Variants in EXOC4 observed in about 807,000 individuals in gnomAD.
The protein encoded by EXOC4 is exocyst complex component 4, also known as SEC8-like 1.
Under a neutral mutation model 107.2 loss-of-function variants are expected in EXOC4, and 71 were observed. That is an observed-to-expected ratio of 0.66 (90% CI 0.55 to 0.81). The LOEUF (loss-of-function observed/expected upper bound fraction) is 0.81, where lower values mean the gene tolerates loss of function less well. Ranked by LOEUF, EXOC4 falls within the 30% of genes least tolerant of loss-of-function variation. EXOC4 has a pLI of 0.00. For synonymous variants in EXOC4, 456 were observed against 441.2 expected (o/e 1.03, Z -0.42); for missense variants, 1,108 against 1,189.6 (o/e 0.93, Z 1.01).
downstream of EXOC4, among the ~76,000 whole-genome samples, chr7:134,067,853 C>A (rs1796208311): frequency 6.6e-6 from 1 of 152,150 alleles, no homozygotes; most frequent in African/African-American, 2.4e-5. Context: ...AATACAGGTT[C>A]TTTCAGGGTC....
At chr7:133,927,604 A>T (rs1025604177) in intron 13 of EXOC4, among the ~76,000 whole-genome samples, 1 of 152,248 alleles carries the variant, frequency 6.6e-6, no homozygotes, top group African/African-American at 2.4e-5. Context: ...ATGTTCATAA[A>T]TTGGAGACAT....
Position 133,287,967 on chromosome 7 carries a change from T to C in EXOC4, c.277-955T>C, listed in dbSNP as rs142957465. Among the ~76,000 whole-genome samples the C allele has an allele frequency of 1.6e-3, 238 of 152,308 alleles. 1 individual carries two copies. Among genetic ancestry groups the C allele is most frequent in the African/African-American group, 5.4e-3 (223 of 41,568 alleles). On this transcript the variant is annotated intron_variant, in intron 2 of 17. Transcript: ENST00000253861. ...TTGATGAAGGTTTGGATTATACAGG[T>C]GGGCGCATTTGCCAAAACTTACCAC...
intron 9 of EXOC4, among the ~76,000 whole-genome samples, chr7:133,506,619 T>C (rs1351168981): frequency 6.6e-6 from 1 of 152,180 alleles, no homozygotes; most frequent in Non-Finnish European, 1.5e-5. Context: ...GATAGTCTTA[T>C]CTAAAATTTG....
At chr7:133,276,167 T>G (rs991263837) in intron 2 of EXOC4, among the ~76,000 whole-genome samples, 1 of 152,132 alleles carries the variant, frequency 6.6e-6, no homozygotes, top group African/African-American at 2.4e-5. Context: ...CTCCCCTACT[T>G]TCTTCCTTTT....
intron 9 of EXOC4, among the ~76,000 whole-genome samples, chr7:133,504,126 T>G (rs1211010759): frequency 6.6e-6 from 1 of 152,126 alleles, no homozygotes. Context: ...AGTAAAAGCA[T>G]ATGAAATGAT....
At chr7:134,084,661 T>C in the EXOC4 span, among the ~76,000 whole-genome samples, 15 of 140,028 alleles carry the variant, frequency 1.1e-4, no homozygotes, top group African/African-American at 4.3e-4. Context: ...GCTTTCCAAG[T>C]GCTCAAAGAG....
intron 3 of EXOC4, among the ~76,000 whole-genome samples, chr7:133,297,716 G>A (rs996490644): frequency 6.6e-6 from 1 of 152,042 alleles, no homozygotes; most frequent in Non-Finnish European, 1.5e-5. Context: ...TATCATCGTC[G>A]TCATTTCCCC....
At chr7:134,069,216 TCTTCTC>T (rs1279275267), downstream of EXOC4, among the ~76,000 whole-genome samples, 2 of 148,546 alleles carry the variant, frequency 1.3e-5, no homozygotes, top group Admixed American at 1.3e-4. Context: ...TTCTTCTTCT[TCTTCTC>T]CTTCTTCTTC....
intron 4 of EXOC4, among the ~76,000 whole-genome samples, chr7:133,308,711 T>TA (rs1346940792): frequency 6.6e-6 from 1 of 151,786 alleles, no homozygotes; most frequent in Non-Finnish European, 1.5e-5. Context: ...GTAAAATGAA[T>TA]AAAAAAAAGT....
intron 5 of EXOC4, among the ~76,000 whole-genome samples, chr7:133,328,017 G>T (rs1043122692): frequency 6.6e-6 from 1 of 152,146 alleles, no homozygotes; most frequent in Non-Finnish European, 1.5e-5. Context: ...TCGTTGATCT[G>T]TCTAATATTT....
At chr7:133,518,751 A>G (rs1799927905) in intron 9 of EXOC4, among the ~76,000 whole-genome samples, 1 of 152,204 alleles carries the variant, frequency 6.6e-6, no homozygotes, top group African/African-American at 2.4e-5. Context: ...CAAATATTGT[A>G]TGACTCCACT....
chr7:133,717,546 T>C (rs542080144), intron 10 of EXOC4, among the ~76,000 whole-genome samples: 1 of 152,210 alleles, frequency 6.6e-6, no homozygotes, highest in Non-Finnish European at 1.5e-5. Context: ...TACTGCTAGA[T>C]TGGGAGCTTC....
intron 10 of EXOC4, among the ~76,000 whole-genome samples, chr7:133,731,721 A>G (rs1307299152): frequency 3.3e-5 from 5 of 152,184 alleles, no homozygotes; most frequent in African/African-American, 9.7e-5. Context: ...GAATGGGTAT[A>G]ATAAAAGCTT....
At chr7:133,693,420 G>A (rs1206835504) in intron 10 of EXOC4, among the ~76,000 whole-genome samples, 1 of 152,144 alleles carries the variant, frequency 6.6e-6, no homozygotes, top group African/African-American at 2.4e-5. Flanking sequence ...TGCCCACCCT[G>A]CTTGAGGGTG....
rs993449278 is a variant in EXOC4 at position 133,344,078 on chromosome 7, A to G, written c.764-12252A>G. On this transcript the variant is annotated intron_variant, in intron 5 of 17. Coordinates refer to ENST00000253861, the MANE Select transcript of EXOC4 (RefSeq NM_021807.4). ...GAAGTTCTCCTATTTTGGCCTCCCA[A>G]TATACTGGGATTACAGGCATGAGCC... Among the ~76,000 whole-genome samples the G allele has an allele frequency of 5.3e-5, 8 of 152,130 alleles. 1 individual carries two copies. Among genetic ancestry groups the G allele is most frequent in the Admixed American group, 3.3e-4 (5 of 15,280 alleles).
At chr7:133,529,834 C>T (rs190466841) in intron 9 of EXOC4, among the ~76,000 whole-genome samples, 5 of 152,172 alleles carry the variant, frequency 3.3e-5, no homozygotes, top group Admixed American at 6.5e-5. Context: ...TTTTTCTATT[C>T]GGAGAGTTAT....
intron 9 of EXOC4, among the ~76,000 whole-genome samples, chr7:133,566,153 A>G (rs1479435487): frequency 1.3e-5 from 2 of 152,208 alleles, no homozygotes; most frequent in Admixed American, 1.3e-4. Flanking sequence ...ATTGAGCTAC[A>G]CCTTCATGAA....
At chr7:134,044,472 G>A (rs1412180205) in intron 17 of EXOC4, among the ~76,000 whole-genome samples, 2 of 152,152 alleles carry the variant, frequency 1.3e-5, no homozygotes, top group Admixed American at 1.3e-4. Context: ...TTTGAACAGT[G>A]TCTACTTTTT....
chr7:134,055,409 G>A lies in EXOC4; in HGVS notation c.2688-8882G>A, dbSNP rs918747808. The stretch of plus-strand genomic sequence containing the variant: ...GTAGCTGGCTAGGGGCAGAGTCAAC[G>A]GCCAAAAAATAGAACGAATTGGCAC... On this transcript the variant is annotated intron_variant, in intron 17 of 17. Coordinates refer to ENST00000253861, the MANE Select transcript of EXOC4 (RefSeq NM_021807.4). Among the ~76,000 whole-genome samples, 11 of 152,122 alleles carry A rather than the reference G, an allele frequency of 7.2e-5. 1 individual carries two copies. The South Asian group carries it at 1.7e-3, about 23-fold the overall frequency.
Sources: gnomAD v4.1 joint callset for allele counts (sites outside exome capture counted in the v4.1 genomes callset) on GRCh38, gnomAD v4.1.1 for gene constraint, MANE v1.5 for transcripts, NCBI Gene and HGNC (gene_info 2026-07-23, HGNC 2026-07-21) for gene names.